The following PCDHGB2 variants were observed in gnomAD, a reference collection of about 807,000 sequenced individuals.
PCDHGB2 encodes protocadherin gamma subfamily B, 2, also known as protocadherin gamma-B2.
A neutral mutation model predicts 59.3 loss-of-function variants in PCDHGB2; 55 were observed. The ratio of observed to expected loss-of-function variants is 0.93; its 90% CI spans 0.75 to 1.16. The LOEUF (loss-of-function observed/expected upper bound fraction) is 1.16. PCDHGB2 is among the 50% of genes most tolerant of loss of function. PCDHGB2 has a pLI of 0.00. For missense variants in PCDHGB2, 1,228 were observed against 1,198.5 expected, an observed-to-expected ratio of 1.02 and a Z score of -0.36; for synonymous variants, 516 against 512.0, an observed-to-expected ratio of 1.01 and a Z score of -0.11.
intron 2 of PCDHGB2, among the ~76,000 whole-genome samples, chr5:141,504,253 G>A (rs1036263329): frequency 6.6e-6 from 1 of 152,100 alleles, no homozygotes; most frequent in Non-Finnish European, 1.5e-5. Context: ...TTCTTCTTAT[G>A]GTTTAGTATT....
chr5:141,417,709 C>T lies in PCDHGB2; in HGVS notation c.2421+55153C>T, dbSNP rs533902963. 1.5e-5 allele frequency: 18 copies of T among 1,238,872 alleles called. No individual in the cohort carries two copies. The East Asian group carries it at 1.8e-4, about 12-fold the overall frequency. 76.7% of individuals were successfully genotyped at this position (1,238,872 alleles called of 1,614,324 possible). ...AAGAAAACCAGCTCCCACACAGAGG[C>T]TCCCGGCTGCGCAGACCTTGCCCAG... On this transcript the variant is annotated intron_variant, in intron 1 of 3. Coordinates refer to ENST00000522605, the MANE Select transcript of PCDHGB2 (RefSeq NM_018923.3).
intron 1 of PCDHGB2, chr5:141,376,051 C>G (rs771320447): frequency 7.4e-6 from 12 of 1,613,344 alleles, no homozygotes; most frequent in Non-Finnish European, 9.3e-6. Context: ...CTCTCTCCGC[C>G]ACTGTCACGC....
intron 1 of PCDHGB2, among the ~76,000 whole-genome samples, chr5:141,369,622 ATTACCT>A (rs1766388164): frequency 6.6e-6 from 1 of 152,224 alleles, no homozygotes; most frequent in South Asian, 2.1e-4. Flanking sequence ...TCATTTCCTC[ATTACCT>A]TTAACTTCTT....
chr5:141,477,551 C>A lies in PCDHGB2; in HGVS notation c.2422-17256C>A. The A allele has an allele frequency of 6.2e-7, 1 of 1,614,178 alleles. No homozygotes were observed. The highest frequency in any genetic ancestry group is 1.3e-5 in the African/African-American group (1 of 75,032). ...CCTCCCCGGGGCTCCAATACTAAAC[C>A]TAAGTGTCTGGGACCCCGACGCCCC... is the stretch of plus-strand genomic sequence containing the variant. On this transcript the variant is annotated intron_variant, in intron 1 of 3. Transcript: ENST00000522605. The surrounding 1 kb of genome is among the most constrained non-coding windows in gnomAD (Gnocchi z 4.9).
chr5:141,437,648 A>G (rs1291089695), intron 1 of PCDHGB2, among the ~76,000 whole-genome samples: 2 of 152,204 alleles, frequency 1.3e-5, no homozygotes, highest in African/African-American at 4.8e-5. Context: ...AGAAAAGCAA[A>G]CACATAGTTT....
At position 141,402,884 on chromosome 5, in the gene PCDHGB2, T is replaced by C. The variant is rs73792196; in HGVS notation, c.2421+40328T>C. Reference sequence around the variant, plus strand: ...GAAAAGATCACCATACTTTGCAGGGTGGAAGAAAGAACCTGATGAAGCAGC... The same window carrying C: ...GAAAAGATCACCATACTTTGCAGGGCGGAAGAAAGAACCTGATGAAGCAGC... On this transcript the variant is annotated intron_variant, in intron 1 of 3. Transcript: ENST00000522605. The C allele has an allele frequency of 1.4e-3, 2,074 of 1,481,580 alleles. 26 individuals carry two copies. The African/African-American group carries it at 0.026, about 18-fold the overall frequency. The allele number at this position is 1,481,580 out of a possible 1,614,324, so 91.8% of individuals were successfully genotyped here.
chr5:141,393,186 G>C, intron 1 of PCDHGB2: 2 of 1,613,306 alleles, frequency 1.2e-6, no homozygotes, highest in East Asian at 4.5e-5. Context: ...AGAAATAATT[G>C]ATATTAACGA....
Position 141,432,295 on chromosome 5 carries a change from G to A in PCDHGB2, c.2422-62512G>A. 6.2e-7 allele frequency: 1 copy of A among 1,614,222 alleles called. No individual in the cohort carries two copies. The highest frequency in any genetic ancestry group is 8.5e-7 in the Non-Finnish European group (1 of 1,180,034). ...ACGTGTCCATCAACTCCGACACTGG[G>A]GTACTGTATGCGCTGAGCTCCTTCG... is the stretch of plus-strand genomic sequence containing the variant. On this transcript the variant is annotated intron_variant, in intron 1 of 3. Coordinates refer to ENST00000522605, the MANE Select transcript of PCDHGB2 (RefSeq NM_018923.3). This position sits in a 1 kb window ranked among gnomAD's most constrained non-coding sequence, Gnocchi z 6.0.
chr5:141,365,276 C>G, intron 1 of PCDHGB2: 1 of 1,613,968 alleles, frequency 6.2e-7, no homozygotes, highest in Non-Finnish European at 8.5e-7. Flanking sequence ...CAGATTCTAC[C>G]TCATGGAAGT....
intron 1 of PCDHGB2, among the ~76,000 whole-genome samples, chr5:141,446,323 A>G (rs1372501599): frequency 6.6e-6 from 1 of 152,216 alleles, no homozygotes. Flanking sequence ...GGGTTTCCAC[A>G]TTAAGGAACT....
intron 1 of PCDHGB2, among the ~76,000 whole-genome samples, chr5:141,445,961 G>C (rs944876169): frequency 6.6e-6 from 1 of 152,158 alleles, no homozygotes; most frequent in Non-Finnish European, 1.5e-5. Flanking sequence ...GCTATATGGA[G>C]AATTGATTTA....
At chr5:141,508,739 C>A (rs1344024245) in intron 3 of PCDHGB2, among the ~76,000 whole-genome samples, 1 of 152,156 alleles carries the variant, frequency 6.6e-6, no homozygotes, top group African/African-American at 2.4e-5. Context: ...ACACCCCCCA[C>A]CCCGCTCTTT....
At chr5:141,408,121 T>C in intron 1 of PCDHGB2, 1 of 1,475,406 alleles carries the variant, frequency 6.8e-7, no homozygotes, top group South Asian at 1.4e-5. Context: ...CCTCCTGTCC[T>C]GGGCCGAATG....
At chr5:141,415,043 T>G in intron 1 of PCDHGB2, 2 of 1,613,396 alleles carry the variant, frequency 1.2e-6, no homozygotes, top group Non-Finnish European at 1.7e-6. Flanking sequence ...CTCTTCGCGG[T>G]GGGGGAGCAC....
intron 1 of PCDHGB2, chr5:141,364,354 G>A (rs1256054518): frequency 6.4e-7 from 1 of 1,554,444 alleles, no homozygotes; most frequent in Admixed American, 2.0e-5. Flanking sequence ...CTAGGGGCTG[G>A]GGCTGCGGAG....
In PCDHGB2 at chr5:141,362,138, T is replaced by A; in HGVS notation, c.2003T>A (p.Leu668Gln). Residue 668 changes from leucine (L) to glutamine (Q), a missense_variant, in exon 1 of 4, where the codon CTG (leucine) becomes CAG (glutamine). Around this residue, in one of 3 missense-constraint regions of PCDHGB2, gnomAD observed 433 missense variants for 441.8 expected, o/e 0.98. Transcript: ENST00000522605. Reference protein sequence around the residue: ...ATLHLIFADSLQEVLPDLSDR... With the variant: ...ATLHLIFADSQQEVLPDLSDR... ...CTGCACCTAATCTTCGCGGATAGCCTGCAAGAGGTATTGCCAGACCTCAGC... is the reference window on the plus strand; with the variant it reads ...CTGCACCTAATCTTCGCGGATAGCCAGCAAGAGGTATTGCCAGACCTCAGC... 2 of 1,614,032 alleles carry A rather than the reference T, an allele frequency of 1.2e-6. No homozygotes were observed. Among genetic ancestry groups the A allele is most frequent in the Non-Finnish European group, 1.7e-6 (2 of 1,179,902 alleles).
intron 1 of PCDHGB2, among the ~76,000 whole-genome samples, chr5:141,381,798 CTCTTTCTT>C (rs372235829): frequency 6.9e-5 from 10 of 144,174 alleles, no homozygotes; most frequent in South Asian, 6.6e-4. Flanking sequence ...AGGCAATTCC[CTCTTTCTT>C]TCTTTCTTTC....
intron 1 of PCDHGB2, among the ~76,000 whole-genome samples, chr5:141,396,908 C>G (rs987572785): frequency 1.3e-5 from 2 of 152,146 alleles, no homozygotes; most frequent in Admixed American, 6.5e-5. Context: ...TGGCACTTTG[C>G]AATTTTAAAA....
Position 141,486,107 on chromosome 5 carries a change from A to T in PCDHGB2, c.2422-8700A>T, listed in dbSNP as rs758269750. ...TCTTTTGGGGCCCCTAGACTTTGAG[A>T]GTGAGAATTACTATGAATTTGATGT... is the stretch of plus-strand genomic sequence containing the variant. On this transcript the variant is annotated intron_variant, in intron 1 of 3. Transcript: ENST00000522605. The surrounding 1 kb of genome is among the most constrained non-coding windows in gnomAD (Gnocchi z 5.0). The T allele has an allele frequency of 6.2e-7, 1 of 1,614,102 alleles. No individual in the cohort carries two copies. Among genetic ancestry groups the T allele is most frequent in the South Asian group, 1.1e-5 (1 of 91,080 alleles).
Sources: gnomAD v4.1 joint callset for allele counts (sites outside exome capture counted in the v4.1 genomes callset) on GRCh38, gnomAD v4.1.1 for gene constraint, gnomAD v4.1.1 regional missense constraint, Gnocchi (gnomAD v3.1) non-coding constraint, MANE v1.5 for transcripts, NCBI Gene and HGNC (gene_info 2026-07-23, HGNC 2026-07-21) for gene names.